E2F4: variants seen among roughly 807,000 people sequenced by gnomAD.
The protein encoded by E2F4 is E2F transcription factor 4.
A neutral mutation model predicts 44.5 loss-of-function variants in E2F4; 16 were observed. The ratio of observed to expected loss-of-function variants is 0.36; its 90% CI spans 0.24 to 0.55. E2F4 has a LOEUF of 0.55. Among genes scored for constraint, E2F4 ranks in the 20% least tolerant of loss-of-function variants. The pLI is 0.87. For synonymous variants in E2F4, 242 were observed against 207.2 expected, an observed-to-expected ratio of 1.17 and a Z score of -1.44; for missense variants, 473 against 522.1, an observed-to-expected ratio of 0.91 and a Z score of 0.92.
chr16:67,195,084 T>G (rs745705474), intron 6 of E2F4, 104 bp downstream of exon 6: 5 of 1,424,472 alleles, frequency 3.5e-6, no homozygotes, highest in Non-Finnish European at 4.7e-6. Context: ...TTGGGGATTG[T>G]CCTTTTCCTG....
chr16:67,192,445 T>A (rs1001325794), intron 1 of E2F4, 83 bp downstream of exon 1: 1 of 1,388,498 alleles, frequency 7.2e-7, no homozygotes, highest in African/African-American at 1.5e-5. Flanking sequence ...GCGGCCCAGC[T>A]GGGTCCTCCG....
At position 67,194,935 on chromosome 16, in the gene E2F4, A is replaced by G. The variant is rs964763843; in HGVS notation, c.763A>G (p.Ser255Gly). The G allele has an allele frequency of 3.1e-6, 5 of 1,614,134 alleles. No individual in the cohort carries two copies. The part of the protein sequence containing the change: ...PQLTPTAVPG[S>G]AEVQGMAGPA... ...GCTCACTCCCACTGCTGTCCCTGGC[A>G]GTGCAGAAGTCCAGGGAATGGCTGG... The change falls in exon 6 of 10, where the codon AGT becomes GGT. Residue 255 changes from serine (S) to glycine (G), a missense_variant. Physicochemically the swap from Ser to Gly is moderately conservative, Grantham distance 56. This residue lies in a region of E2F4 where 314 missense variants were observed against 315.6 expected (regional missense o/e 0.99). Coordinates refer to ENST00000379378, the MANE Select transcript of E2F4 (RefSeq NM_001950.4).
intron 4 of E2F4, 21 bp downstream of exon 4, chr16:67,193,536 G>A: frequency 3.1e-6 from 5 of 1,614,048 alleles, no homozygotes; most frequent in Non-Finnish European, 4.2e-6. Flanking sequence ...CCTGGGTAGG[G>A]GTAAGGGGGT....
chr16:67,195,195 C>T (rs1204403611), intron 6 of E2F4, among the ~76,000 whole-genome samples: 2 of 152,206 alleles, frequency 1.3e-5, no homozygotes, highest in South Asian at 2.1e-4. Context: ...TGTGCAATGG[C>T]GCGATCTTGG....
intron 6 of E2F4, 85 bp from the exon 7 acceptor site, chr16:67,195,697 C>CTGGT (rs1258657018): frequency 1.7e-5 from 27 of 1,584,426 alleles, no homozygotes; most frequent in African/African-American, 4.0e-5. Flanking sequence ...GGCTTGTGGT[C>CTGGT]CTCCTGTGTC....
At position 67,198,834 on chromosome 16, in the gene E2F4, A is replaced by G; in HGVS notation, c.*711A>G. The G allele has an allele frequency of 2.8e-6, 1 of 353,404 alleles. No individual in the cohort carries two copies. Among genetic ancestry groups the G allele is most frequent in the Non-Finnish European group, 5.2e-6 (1 of 193,406 alleles). 21.9% of individuals were successfully genotyped at this position (353,404 alleles called of 1,614,324 possible). On this transcript the variant is annotated 3_prime_UTR_variant, in exon 10 of 10. Coordinates refer to ENST00000379378, the MANE Select transcript of E2F4 (RefSeq NM_001950.4). ...ACAGTAACGAATGGATTCCTATATA[A>G]AGATTATTTTTATACTTTTTGCAGC...
rs759099769 is a variant in E2F4, at chr16:67,192,879, G to A, written c.245+9G>A. 9 of 1,605,040 alleles carry A rather than the reference G, an allele frequency of 5.6e-6. No individual in the cohort carries two copies. The African/African-American group carries it at 6.7e-5, about 12-fold the overall frequency. The stretch of plus-strand genomic sequence containing the variant: ...AACAGCATCCAGTGGAAGTGAGTGG[G>A]CATAGTGGGAGGGTAGTAGAGTCTC... On this transcript the variant is annotated intron_variant, in intron 2 of 9. Transcript: ENST00000379378.
chr16:67,193,442 G>T, intron 3 of E2F4, 30 bp from the exon 4 acceptor site: 1 of 1,613,938 alleles, frequency 6.2e-7, no homozygotes, highest in Non-Finnish European at 8.5e-7. Flanking sequence ...GTCACCATAG[G>T]GCATCAGCCA....
At chr16:67,196,496 T>C (rs538781474) in intron 7 of E2F4, among the ~76,000 whole-genome samples, 1 of 152,332 alleles carries the variant, frequency 6.6e-6, no homozygotes, top group African/African-American at 2.4e-5. Flanking sequence ...TCCTTTGGCA[T>C]CATGATGCCA....
Position 67,192,202 on chromosome 16 carries a change from CT to C in E2F4, c.-25del. ...GCGGCGCCGGCCTGGCCTGGCCTGG[CT>C]GAGGGGAGGCGGCGGGCGGGCGCGA... On this transcript the variant is annotated 5_prime_UTR_variant, in exon 1 of 10. Coordinates refer to ENST00000379378, the MANE Select transcript of E2F4 (RefSeq NM_001950.4). 1 of 1,177,134 alleles carries C rather than the reference CT, an allele frequency of 8.5e-7. No homozygotes were observed. Among genetic ancestry groups the C allele is most frequent in the Non-Finnish European group, 1.0e-6 (1 of 953,408 alleles). 72.9% of individuals were successfully genotyped at this position (1,177,134 alleles called of 1,614,324 possible).
rs1013668161 is a variant in E2F4 at position 67,197,480 on chromosome 16, A to C, written c.1034-119A>C. 13 of 1,023,744 alleles carry C rather than the reference A, an allele frequency of 1.3e-5. No individual in the cohort carries two copies. The Admixed American group carries it at 2.6e-4, about 21-fold the overall frequency. The allele number at this position is 1,023,744 out of a possible 1,614,324, so 63.4% of individuals were successfully genotyped here. A position where few individuals can be genotyped will look rare whatever the true frequency, so the allele number is the denominator to read the frequency against. On this transcript the variant is annotated intron_variant, in intron 7 of 9. Transcript: ENST00000379378. ...TGCCAGCTTGGCCTAGGCAGGACCT[A>C]CATCTCCTTAGCTGTGTGGAGCCTC...
chr16:67,195,021 A>G (rs764590918), intron 6 of E2F4, 41 bp downstream of exon 6: 13 of 1,590,426 alleles, frequency 8.2e-6, no homozygotes, highest in East Asian at 4.5e-5. Flanking sequence ...CCCAAGAGGT[A>G]GTATCTCTGT....
chr16:67,192,563 G>A, intron 1 of E2F4, 198 bp from the exon 2 acceptor site: 1 of 992,628 alleles, frequency 1.0e-6, no homozygotes, highest in Non-Finnish European at 1.4e-6. Context: ...TCGGGCTGCA[G>A]GTGTTCGTCC....
At position 67,198,270 on chromosome 16, in the gene E2F4, C is replaced by T. The variant is rs904890794; in HGVS notation, c.*147C>T. ...TCCCCTCACCGCACAGTTCTGGCCA[C>T]AGCTCCCGCTCCTGTGCTGGCACTT... On this transcript the variant is annotated 3_prime_UTR_variant, in exon 10 of 10. Coordinates refer to ENST00000379378, the MANE Select transcript of E2F4 (RefSeq NM_001950.4). The T allele has an allele frequency of 1.5e-6, 1 of 676,220 alleles. No individual in the cohort carries two copies. The highest frequency in any genetic ancestry group is 2.6e-5 in the East Asian group (1 of 38,284). The allele number at this position is 676,220 out of a possible 1,614,324, so 41.9% of individuals were successfully genotyped here.
At chr16:67,192,735 T>C (rs774083122) in intron 1 of E2F4, 26 bp from the exon 2 acceptor site, 8 of 1,590,472 alleles carry the variant, frequency 5.0e-6, no homozygotes, top group South Asian at 1.1e-5. Context: ...AGAGTGGGGC[T>C]GAGCATTCTC....
chr16:67,195,835 C>G lies in E2F4; in HGVS notation c.862C>G (p.Pro288Ala). ...SKDSGELSSL[P>A]LGPTTLDTRP... ...GGACAGTGGTGAGCTCAGTTCACTC[C>G]CACTGGGCCCAACAACACTGGACAC... Residue 288 changes from proline to alanine, a missense_variant, in exon 7 of 10, where the codon CCA (proline) becomes GCA (alanine). Physicochemically the swap from Pro to Ala is conservative, Grantham distance 27. Around this residue, in one of 3 missense-constraint regions of E2F4, gnomAD observed 314 missense variants for 315.6 expected, o/e 0.99. Coordinates refer to ENST00000379378, the MANE Select transcript of E2F4 (RefSeq NM_001950.4). The G allele has an allele frequency of 6.2e-7, 1 of 1,614,112 alleles. No individual in the cohort carries two copies. Among genetic ancestry groups the G allele is most frequent in the Non-Finnish European group, 8.5e-7 (1 of 1,180,022 alleles).
intron 2 of E2F4, 69 bp from the exon 3 acceptor site, chr16:67,192,940 C>T: frequency 6.4e-7 from 1 of 1,563,852 alleles, no homozygotes; most frequent in Admixed American, 1.9e-5. Context: ...TGGAGGGTGC[C>T]GAAGAAGGCA....
Position 67,197,507 on chromosome 16 carries a change from G to C in E2F4, c.1034-92G>C. 4.6e-6 allele frequency: 6 copies of C among 1,316,920 alleles called. No individual in the cohort carries two copies. In the Admixed American group the frequency reaches 1.1e-4, roughly 23 times the overall value. The allele number at this position is 1,316,920 out of a possible 1,614,324, so 81.6% of individuals were successfully genotyped here. The stretch of plus-strand genomic sequence containing the variant: ...ATCTCCTTAGCTGTGTGGAGCCTCA[G>C]GGTGGGTGGTATAGGATCCGAGGAA... On this transcript the variant is annotated intron_variant, in intron 7 of 9. Coordinates refer to ENST00000379378, the MANE Select transcript of E2F4 (RefSeq NM_001950.4).
intron 7 of E2F4, among the ~76,000 whole-genome samples, chr16:67,196,442 C>T (rs1410202362): frequency 1.3e-5 from 2 of 152,336 alleles, no homozygotes; most frequent in African/African-American, 2.4e-5. Context: ...CAGCCTCCAG[C>T]GTGTTTTGCT....
Sources: allele counts gnomAD v4.1 joint callset (sites outside exome capture counted in the v4.1 genomes callset), GRCh38; gene constraint gnomAD v4.1.1; regional missense constraint gnomAD v4.1.1; transcripts MANE v1.5; gene names NCBI Gene and HGNC (gene_info 2026-07-23, HGNC 2026-07-21).